ARHGEF10L: variants seen among roughly 807,000 people sequenced by gnomAD.
ARHGEF10L encodes rho guanine nucleotide exchange factor 10-like protein.
ARHGEF10L carries 69 observed loss-of-function variants against 141.2 expected under a neutral mutation model. That is an observed-to-expected ratio of 0.49 (90% CI 0.40 to 0.60). ARHGEF10L has a LOEUF of 0.60. Among genes scored for constraint, ARHGEF10L ranks in the 20% least tolerant of loss-of-function variants. ARHGEF10L has a pLI of 0.00. For missense variants in ARHGEF10L, 1,482 were observed against 1,734.3 expected (o/e 0.85, Z 2.58); for synonymous variants, 711 against 718.5 (o/e 0.99, Z 0.17).
chr1:17,694,368 T>C (rs1429922388), intron 27 of ARHGEF10L: 1 of 157,240 alleles, frequency 6.4e-6, no homozygotes, highest in Non-Finnish European at 1.4e-5. Context: ...AGAGCCAAGG[T>C]GTGAATCCCG....
At chr1:17,547,556 G>A (rs1217231537) in intron 1 of ARHGEF10L, among the ~76,000 whole-genome samples, 3 of 152,214 alleles carry the variant, frequency 2.0e-5, no homozygotes, top group Admixed American at 6.5e-5. Flanking sequence ...CAGACTTGGA[G>A]TGAGCTTTGG....
chr1:17,565,075 C>T (rs1002975036), intron 1 of ARHGEF10L, among the ~76,000 whole-genome samples: 5 of 152,196 alleles, frequency 3.3e-5, no homozygotes, highest in African/African-American at 1.2e-4. Context: ...GGCTGGAAGC[C>T]CATGATCAAG....
rs79660095 is a variant in ARHGEF10L, at chr1:17,557,448, G to T, written c.-44+17498G>T. ...GGCTCTGTGTTGGATGCCCTCACCT[G>T]CAGTATCAGCCTTCAAGAGCTAGTG... On this transcript the variant is annotated intron_variant, in intron 1 of 28. Transcript: ENST00000361221. Among the ~76,000 whole-genome samples, 1,401 of 152,256 alleles carry T rather than the reference G, an allele frequency of 9.2e-3. 20 individuals carry two copies. Among genetic ancestry groups the T allele is most frequent in the African/African-American group, 0.032 (1,324 of 41,536 alleles).
At chr1:17,598,136 C>T (rs867281040) in intron 4 of ARHGEF10L, among the ~76,000 whole-genome samples, 4 of 151,304 alleles carry the variant, frequency 2.6e-5, no homozygotes, top group African/African-American at 7.3e-5. Context: ...AAGTATTGCC[C>T]TGTCCCTCAG....
chr1:17,554,312 G>C (rs544957358), intron 1 of ARHGEF10L, among the ~76,000 whole-genome samples: 143 of 152,308 alleles, frequency 9.4e-4, no homozygotes, highest in African/African-American at 3.2e-3. Context: ...GCCCAGCCCA[G>C]GGGGCAGGCC....
At chr1:17,666,515 G>A (rs769338039) in intron 26 of ARHGEF10L, among the ~76,000 whole-genome samples, 2 of 152,112 alleles carry the variant, frequency 1.3e-5, no homozygotes, top group African/African-American at 2.4e-5. Context: ...TCATCTCCTG[G>A]ACTCATGCCA....
chr1:17,661,355 G>A (rs1045166100), intron 25 of ARHGEF10L, among the ~76,000 whole-genome samples: 1 of 152,254 alleles, frequency 6.6e-6, no homozygotes, highest in Admixed American at 6.5e-5. Flanking sequence ...TGGGATTACA[G>A]GCGTGAGCCA....
chr1:17,661,791 A>G (rs1473467469), intron 25 of ARHGEF10L, among the ~76,000 whole-genome samples: 2 of 152,250 alleles, frequency 1.3e-5, no homozygotes, highest in African/African-American at 2.4e-5. Context: ...TCTTGGCTCC[A>G]GCCTCCTGCT....
Position 17,673,829 on chromosome 1 carries a change from A to T in ARHGEF10L, c.3009+9234A>T, listed in dbSNP as rs971997241. On this transcript the variant is annotated intron_variant, in intron 26 of 28. Transcript: ENST00000361221. The surrounding 1 kb of genome is among the most constrained non-coding windows in gnomAD (Gnocchi z 4.1). ...CCCAGGACTAAGCAGCTCCGTGTAC[A>T]TGCAGGTCCCAGGGCTGTGCCTGGT... is the stretch of plus-strand genomic sequence containing the variant. Among the ~76,000 whole-genome samples the T allele has an allele frequency of 6.6e-6, 1 of 152,140 alleles. No homozygotes were observed. Among genetic ancestry groups the T allele is most frequent in the Non-Finnish European group, 1.5e-5 (1 of 68,024 alleles).
At chr1:17,591,215 G>A (rs2079511457) in intron 4 of ARHGEF10L, among the ~76,000 whole-genome samples, 1 of 152,172 alleles carries the variant, frequency 6.6e-6, no homozygotes, top group African/African-American at 2.4e-5. Flanking sequence ...TGAGCCACAG[G>A]CTGTGCTAAG....
At chr1:17,549,132 C>A (rs1191215705) in intron 1 of ARHGEF10L, among the ~76,000 whole-genome samples, 1 of 151,996 alleles carries the variant, frequency 6.6e-6, no homozygotes, top group Non-Finnish European at 1.5e-5. Context: ...GAGCGATTCT[C>A]CAGCCTCAGC....
At chr1:17,638,827 C>T in intron 20 of ARHGEF10L, 138 bp downstream of exon 20, 1 of 1,305,456 alleles carries the variant, frequency 7.7e-7, no homozygotes, top group Non-Finnish European at 1.0e-6. Context: ...GCATCGTGGG[C>T]CATGTCTGGG....
intron 1 of ARHGEF10L, among the ~76,000 whole-genome samples, chr1:17,565,365 C>T (rs912384147): frequency 2.6e-5 from 4 of 152,218 alleles, no homozygotes; most frequent in African/African-American, 4.8e-5. Flanking sequence ...TCATTTCTAC[C>T]TTCTTCCCTT....
Position 17,607,947 on chromosome 1 carries a change from C to T in ARHGEF10L, c.579C>T (p.Pro193=), listed in dbSNP as rs201209534. The T allele has an allele frequency of 1.0e-4, 150 of 1,493,752 alleles. 1 individual carries two copies. In the East Asian group the frequency reaches 2.8e-3, roughly 28 times the overall value. 92.5% of individuals were successfully genotyped at this position (1,493,752 alleles called of 1,614,324 possible). A position where few individuals can be genotyped will look rare whatever the true frequency, so the allele number is the denominator to read the frequency against. Residue 193 remains proline (P), a synonymous_variant, in exon 7 of 29, where the codon CCC becomes CCT. Coordinates refer to ENST00000361221, the MANE Select transcript of ARHGEF10L (RefSeq NM_018125.4). The surrounding 1 kb of genome is among the most constrained non-coding windows in gnomAD (Gnocchi z 4.5). ...CCAAGCCGGAGGTCGAGGTCGAGCC[C>T]GCCAAGCACCGAGTGTCCTTCCAGC... ...EEAKPEVEVE[P]AKHRVSFQPK...
chr1:17,670,685 C>T (rs994694731), intron 26 of ARHGEF10L, among the ~76,000 whole-genome samples: 2 of 152,328 alleles, frequency 1.3e-5, no homozygotes, highest in African/African-American at 4.8e-5. Flanking sequence ...CAGCGTGGGG[C>T]GTTGGGGACC....
chr1:17,673,313 A>G lies in ARHGEF10L; in HGVS notation c.3009+8718A>G, dbSNP rs1019281098. Among the ~76,000 whole-genome samples, 3 of 151,932 alleles carry G rather than the reference A, an allele frequency of 2.0e-5. No individual in the cohort carries two copies. The East Asian group carries it at 5.8e-4, about 30-fold the overall frequency. On this transcript the variant is annotated intron_variant, in intron 26 of 28. Coordinates refer to ENST00000361221, the MANE Select transcript of ARHGEF10L (RefSeq NM_018125.4). This position sits in a 1 kb window ranked among gnomAD's most constrained non-coding sequence, Gnocchi z 4.1. Reference sequence around the variant, plus strand: ...CCTCCACTCTGTGTGTCTCTTCCACATCCCCCTCCCCTCTGAGCCCGGCAG... The same window carrying G: ...CCTCCACTCTGTGTGTCTCTTCCACGTCCCCCTCCCCTCTGAGCCCGGCAG...
At chr1:17,652,737 G>A (rs1277941931) in intron 22 of ARHGEF10L, among the ~76,000 whole-genome samples, 2 of 152,148 alleles carry the variant, frequency 1.3e-5, no homozygotes, top group African/African-American at 4.8e-5. Context: ...TTCCCTGATG[G>A]TCAGTCTCAG....
chr1:17,634,477 G>A, intron 16 of ARHGEF10L, 71 bp from the exon 17 acceptor site: 1 of 1,613,428 alleles, frequency 6.2e-7, no homozygotes, highest in East Asian at 2.2e-5. Flanking sequence ...GCCCCCAGCG[G>A]GGTCACAGCC....
At chr1:17,633,762 G>A (rs149347793) in intron 16 of ARHGEF10L, among the ~76,000 whole-genome samples, 3 of 152,270 alleles carry the variant, frequency 2.0e-5, no homozygotes, top group East Asian at 3.9e-4. Context: ...TAGCTCTCCC[G>A]CCTCCCAGCT....
Sources: allele counts gnomAD v4.1 joint callset (sites outside exome capture counted in the v4.1 genomes callset), GRCh38; gene constraint gnomAD v4.1.1; non-coding constraint Gnocchi (gnomAD v3.1); transcripts MANE v1.5; gene names NCBI Gene and HGNC (gene_info 2026-07-23, HGNC 2026-07-21).